The following PATJ variants were observed in gnomAD, a reference collection of about 807,000 sequenced individuals.
The protein encoded by PATJ is inaD-like protein.
Under a neutral mutation model 224.9 loss-of-function variants are expected in PATJ, and 190 were observed. That is an observed-to-expected ratio of 0.84 (90% CI 0.75 to 0.95). The LOEUF is 0.95. Ranked by LOEUF, PATJ falls within the 40% of genes least tolerant of loss-of-function variation. PATJ has a pLI of 0.00. For missense variants in PATJ, 2,121 were observed against 2,270.3 expected, an observed-to-expected ratio of 0.93 and a Z score of 1.34; for synonymous variants, 769 against 820.3, an observed-to-expected ratio of 0.94 and a Z score of 1.07.
chr1:61,794,273 G>A (rs951802762), intron 9 of PATJ, among the ~76,000 whole-genome samples: 4 of 151,588 alleles, frequency 2.6e-5, no homozygotes, highest in Non-Finnish European at 5.9e-5. Context: ...AGCCTCCAGA[G>A]TAGCTGGAAT....
At position 61,879,073 on chromosome 1, in the gene PATJ, C is replaced by T. The variant is rs141239743; in HGVS notation, c.2959+3707C>T. 9.9e-3 allele frequency among the ~76,000 whole-genome samples: 1,512 copies of T among 152,302 alleles called. 28 individuals carry two copies. The highest frequency in any genetic ancestry group is 0.035 in the African/African-American group (1,444 of 41,556). On this transcript the variant is annotated intron_variant, in intron 21 of 43. Coordinates refer to ENST00000642238, the MANE Select transcript of PATJ (RefSeq NM_001350145.3). ...TGTTGGGATTACAGGCGTGAGCCAC[C>T]GCACCTGGCCAAATTTATGGACTTA...
At chr1:61,900,726 A>G (rs1224788343) in intron 23 of PATJ, among the ~76,000 whole-genome samples, 1 of 151,584 alleles carries the variant, frequency 6.6e-6, no homozygotes, top group African/African-American at 2.4e-5. Context: ...AGTAGCTGGG[A>G]CTACAGGCGC....
intron 25 of PATJ, among the ~76,000 whole-genome samples, chr1:61,909,973 G>A (rs1317600371): frequency 2.0e-5 from 3 of 152,190 alleles, no homozygotes; most frequent in Admixed American, 1.3e-4. Context: ...ACATCATCAA[G>A]ACTAATTGAG....
intron 30 of PATJ, among the ~76,000 whole-genome samples, chr1:62,044,581 C>G (rs1311935261): frequency 6.6e-6 from 1 of 152,166 alleles, no homozygotes; most frequent in Non-Finnish European, 1.5e-5. Flanking sequence ...CAGCCTAAAT[C>G]TTTTAGAATA....
At chr1:61,872,687 T>A (rs1036168309) in intron 20 of PATJ, among the ~76,000 whole-genome samples, 5 of 152,198 alleles carry the variant, frequency 3.3e-5, no homozygotes, top group Non-Finnish European at 7.4e-5. Flanking sequence ...GCAAAACTAA[T>A]AGGGTCCAAA....
intron 14 of PATJ, among the ~76,000 whole-genome samples, chr1:61,815,799 T>G (rs1228201336): frequency 6.6e-6 from 1 of 152,186 alleles, no homozygotes; most frequent in Non-Finnish European, 1.5e-5. Flanking sequence ...CTATTTACAG[T>G]GACTTAAGCA....
intron 26 of PATJ, among the ~76,000 whole-genome samples, chr1:61,925,464 T>C (rs1675054200): frequency 6.6e-6 from 1 of 152,208 alleles, no homozygotes; most frequent in South Asian, 2.1e-4. Flanking sequence ...GAACCAAACT[T>C]GGTCTCATAT....
At chr1:62,124,629 G>T (rs1256967889) in intron 39 of PATJ, among the ~76,000 whole-genome samples, 2 of 152,178 alleles carry the variant, frequency 1.3e-5, no homozygotes, top group Admixed American at 6.5e-5. Flanking sequence ...TTTTCTCACA[G>T]TTCTGAAGGC....
At chr1:62,111,452 C>A (rs930415564) in intron 34 of PATJ, among the ~76,000 whole-genome samples, 1 of 152,202 alleles carries the variant, frequency 6.6e-6, no homozygotes, top group Admixed American at 6.5e-5. Context: ...TTCTAACTTA[C>A]ATTGGATATA....
chr1:61,905,861 T>C (rs955821771), intron 24 of PATJ, among the ~76,000 whole-genome samples: 5 of 152,222 alleles, frequency 3.3e-5, no homozygotes, highest in African/African-American at 1.2e-4. Context: ...GGATGTCTTA[T>C]AATTCTGATA....
At chr1:62,125,932 G>A (rs888932957) in intron 39 of PATJ, among the ~76,000 whole-genome samples, 8 of 152,294 alleles carry the variant, frequency 5.3e-5, no homozygotes, top group Admixed American at 2.6e-4. Flanking sequence ...ACCACATCCA[G>A]CTAATTTTTT....
Position 62,118,924 on chromosome 1 carries a change from G to T in PATJ, c.4890+1706G>T, listed in dbSNP as rs957502701. Among the ~76,000 whole-genome samples, 3 of 151,322 alleles carry T rather than the reference G, an allele frequency of 2.0e-5. No homozygotes were observed. In the South Asian group the frequency reaches 6.2e-4, roughly 31 times the overall value. On this transcript the variant is annotated intron_variant, in intron 37 of 43. Transcript: ENST00000642238. ...CTGGATGACAGGTGTGAGCCCCCGC[G>T]CCCAGCCGCATCTTCATAATTTTTA...
Position 61,794,302 on chromosome 1 carries a change from C to T in PATJ, c.1169-1165C>T, listed in dbSNP as rs146539403. On this transcript the variant is annotated intron_variant, in intron 9 of 43. Transcript: ENST00000642238. Reference sequence around the variant, plus strand: ...CTGGAATTACAGGCATGCGCCATTACACCTAGCTAATTTTTAAATTTTTTG... The same window carrying T: ...CTGGAATTACAGGCATGCGCCATTATACCTAGCTAATTTTTAAATTTTTTG... Among the ~76,000 whole-genome samples, 556 of 151,982 alleles carry T rather than the reference C, an allele frequency of 3.7e-3. 5 individuals carry two copies. Among genetic ancestry groups the T allele is most frequent in the African/African-American group, 0.013 (536 of 41,462 alleles).
chr1:62,116,634 G>T lies in PATJ; in HGVS notation c.4758G>T (p.Glu1586Asp). The T allele has an allele frequency of 6.2e-7, 1 of 1,613,752 alleles. No homozygotes were observed. The highest frequency in any genetic ancestry group is 2.2e-5 in the East Asian group (1 of 44,866). Residue 1586 changes from glutamate to aspartate, a missense_variant, in exon 36 of 44, where the codon GAG becomes GAT. Glu to Asp is a conservative substitution (Grantham distance 45). Transcript: ENST00000642238. ...ATCAGATCTTATCTGTGAATGGGGA[G>T]GACATGAGAAATGCCTCACAGGAGA... Reference protein sequence around the residue: ...QGDQILSVNGEDMRNASQETV... With the variant: ...QGDQILSVNGDDMRNASQETV...
intron 43 of PATJ, among the ~76,000 whole-genome samples, chr1:62,156,401 G>A (rs1440555708): frequency 1.3e-5 from 2 of 151,204 alleles, no homozygotes; most frequent in African/African-American, 2.4e-5. Context: ...GTAATGACAG[G>A]CACCTGTAAT....
At position 62,123,011 on chromosome 1, in the gene PATJ, T is replaced by G. The variant is rs374175653; in HGVS notation, c.5006-10T>G. 11 of 1,561,444 alleles carry G rather than the reference T, an allele frequency of 7.0e-6. No individual in the cohort carries two copies. The highest frequency in any genetic ancestry group is 1.2e-5 in the South Asian group (1 of 85,246). ...AATATTAAAAAGTTAATTGTGTTGC[T>G]TCTTTATAGGCACAGATATGGAACC... On this transcript the variant is annotated splice_polypyrimidine_tract_variant and intron_variant, in intron 38 of 43. Coordinates refer to ENST00000642238, the MANE Select transcript of PATJ (RefSeq NM_001350145.3).
intron 24 of PATJ, among the ~76,000 whole-genome samples, chr1:61,903,108 G>A (rs1054043525): frequency 3.9e-4 from 59 of 152,144 alleles, no homozygotes; most frequent in African/African-American, 1.3e-3. Context: ...TGCTCTGAAC[G>A]CAGCGGAGAG....
chr1:62,136,651 GTGTGTGTGTGTGTC>G (rs781176428), intron 41 of PATJ, among the ~76,000 whole-genome samples: 580 of 44,440 alleles, frequency 0.013, 5 homozygotes, highest in East Asian at 0.046. Flanking sequence ...TGTTTTGCGT[GTGTGTGTGTGTGTC>G]TGTGTGTGTG....
intron 31 of PATJ, among the ~76,000 whole-genome samples, chr1:62,076,828 C>G (rs895738363): frequency 6.6e-6 from 1 of 152,084 alleles, no homozygotes; most frequent in East Asian, 1.9e-4. Context: ...GTTGGGAATC[C>G]ATGTTCTTTC....
Sources: allele counts gnomAD v4.1 joint callset (sites outside exome capture counted in the v4.1 genomes callset), GRCh38; gene constraint gnomAD v4.1.1; transcripts MANE v1.5; gene names NCBI Gene and HGNC (gene_info 2026-07-23, HGNC 2026-07-21).